KIF5B: variants seen among roughly 807,000 people sequenced by gnomAD.
KIF5B encodes kinesin family member 5B.
In KIF5B, 49 loss-of-function variants were observed where a neutral mutation model predicts 132.8. That is an observed-to-expected ratio of 0.37 (90% CI 0.29 to 0.47). The LOEUF (loss-of-function observed/expected upper bound fraction) is 0.47. Among genes scored for constraint, KIF5B ranks in the 20% least tolerant of loss-of-function variants. The probability of loss-of-function intolerance (pLI) is 1.00; values close to 1 mark genes in which losing one functional copy is unlikely to be tolerated. For synonymous variants in KIF5B, 355 were observed against 369.4 expected (o/e 0.96, Z 0.45); for missense variants, 780 against 1,144.0 (o/e 0.68, Z 4.59).
In KIF5B at chr10:32,031,153, T is replaced by A; in HGVS notation, c.1501A>T (p.Asn501Tyr). Residue 501 changes from asparagine (N) to tyrosine (Y), a missense_variant, in exon 14 of 26, where the codon AAT becomes TAT. By Grantham distance (143) the Asn-to-Tyr change is moderately radical. Transcript: ENST00000302418. ...VLQALEELAVNYDQKSQEVED... is the reference protein window; with the variant it reads ...VLQALEELAVYYDQKSQEVED... The stretch of plus-strand genomic sequence containing the variant: ...ACTTCCTGAGACTTCTGATCATAAT[T>A]GACAGCAAGTTCTTCTAGGGCCTGT... 1 of 1,614,002 alleles carries A rather than the reference T, an allele frequency of 6.2e-7. No individual in the cohort carries two copies. Among genetic ancestry groups the A allele is most frequent in the Non-Finnish European group, 8.5e-7 (1 of 1,179,964 alleles).
rs1312653938 is a variant in KIF5B, at chr10:32,049,977, A to G, written c.127-1426T>C. ...GACCTGAGGTAGTTTAAATGCTTGCAGGAACAATTTTAATAATCTAGGAGA... is the reference window on the plus strand; with the variant it reads ...GACCTGAGGTAGTTTAAATGCTTGCGGGAACAATTTTAATAATCTAGGAGA... On this transcript the variant is annotated intron_variant, in intron 1 of 25. Transcript: ENST00000302418. 3.3e-5 allele frequency among the ~76,000 whole-genome samples: 5 copies of G among 152,236 alleles called. No homozygotes were observed. In the East Asian group the frequency reaches 9.7e-4, roughly 29 times the overall value.
rs1007801697 is a variant in KIF5B, at chr10:32,022,273, T to C, written c.1915-16A>G. The C allele has an allele frequency of 7.6e-7, 1 of 1,318,910 alleles. No homozygotes were observed. Among genetic ancestry groups the C allele is most frequent in the South Asian group, 1.2e-5 (1 of 83,742 alleles). 81.7% of individuals were successfully genotyped at this position (1,318,910 alleles called of 1,614,324 possible). The stretch of plus-strand genomic sequence containing the variant: ...TGGCTTCATGCTTTTGGAAAAAATA[T>C]ACTGATATGAAGTGGAAAACATATG... On this transcript the variant is annotated splice_polypyrimidine_tract_variant and intron_variant, in intron 16 of 25. Transcript: ENST00000302418.
At chr10:32,041,921 C>T (rs1841545435) in intron 2 of KIF5B, among the ~76,000 whole-genome samples, 1 of 152,186 alleles carries the variant, frequency 6.6e-6, no homozygotes, top group South Asian at 2.1e-4. Flanking sequence ...TAAGCCCCTG[C>T]ACCTGACCCT....
chr10:32,009,822 T>C lies in KIF5B; in HGVS notation c.*1715A>G, dbSNP rs1160022570. The C allele has an allele frequency of 2.0e-5, 3 of 152,172 alleles. No individual in the cohort carries two copies. Among genetic ancestry groups the C allele is most frequent in the Non-Finnish European group, 2.9e-5 (2 of 68,006 alleles). 9.4% of individuals were successfully genotyped at this position (152,172 alleles called of 1,614,324 possible). ...TTTTGCTTGTTAACTATATTACTTA[T>C]AACTGGCTGCACCAACATTTCATCT... is the stretch of plus-strand genomic sequence containing the variant. On this transcript the variant is annotated 3_prime_UTR_variant, in exon 26 of 26. Coordinates refer to ENST00000302418, the MANE Select transcript of KIF5B (RefSeq NM_004521.3).
intron 1 of KIF5B, among the ~76,000 whole-genome samples, chr10:32,054,706 G>A (rs562601476): frequency 6.6e-6 from 1 of 152,294 alleles, no homozygotes; most frequent in African/African-American, 2.4e-5. Flanking sequence ...CTACTACATA[G>A]CATTACCAAC....
At position 32,011,382 on chromosome 10, in the gene KIF5B, G is replaced by T. The variant is rs1841078416; in HGVS notation, c.*155C>A. The T allele has an allele frequency of 6.6e-6, 1 of 152,552 alleles. No homozygotes were observed. The highest frequency in any genetic ancestry group is 2.4e-5 in the African/African-American group (1 of 41,428). The allele number at this position is 152,552 out of a possible 1,614,324, so 9.4% of individuals were successfully genotyped here. A position where few individuals can be genotyped will look rare whatever the true frequency, so the allele number is the denominator to read the frequency against. On this transcript the variant is annotated 3_prime_UTR_variant, in exon 26 of 26. Transcript: ENST00000302418. Reference sequence around the variant, plus strand: ...TTACAAGAAGAGTAGGTAGGAAACAGCTGTACAGGCCAGGTATAATTTATA... The same window carrying T: ...TTACAAGAAGAGTAGGTAGGAAACATCTGTACAGGCCAGGTATAATTTATA...
At chr10:32,049,975 G>T (rs1841668200) in intron 1 of KIF5B, among the ~76,000 whole-genome samples, 1 of 151,942 alleles carries the variant, frequency 6.6e-6, no homozygotes, top group Non-Finnish European at 1.5e-5. Flanking sequence ...TTAAATGCTT[G>T]CAGGAACAAT....
chr10:32,045,528 C>A (rs1175071541), intron 2 of KIF5B, among the ~76,000 whole-genome samples: 1 of 152,092 alleles, frequency 6.6e-6, no homozygotes, highest in African/African-American at 2.4e-5. Context: ...TTTCTAGTTA[C>A]TAAGGAGGAT....
intron 20 of KIF5B, 109 bp from the exon 21 acceptor site, chr10:32,018,671 T>A: frequency 1.2e-6 from 1 of 853,248 alleles, no homozygotes; most frequent in Non-Finnish European, 1.8e-6. Flanking sequence ...TTCTTAAATT[T>A]AAATAAATAC....
Position 32,023,451 on chromosome 10 carries a change from G to C in KIF5B, c.1726-415C>G, listed in dbSNP as rs1841291814. Reference sequence around the variant, plus strand: ...GATGTTTAGGTGGCAGGGAAAGGATGAACTTTAAGCTCAACCAGAAGGAAT... The same window carrying C: ...GATGTTTAGGTGGCAGGGAAAGGATCAACTTTAAGCTCAACCAGAAGGAAT... On this transcript the variant is annotated intron_variant, in intron 15 of 25. Transcript: ENST00000302418. Among the ~76,000 whole-genome samples, 3 of 152,160 alleles carry C rather than the reference G, an allele frequency of 2.0e-5. No homozygotes were observed. The South Asian group carries it at 6.2e-4, about 32-fold the overall frequency.
At chr10:32,040,626 A>AACACAC (rs72393080) in intron 2 of KIF5B, among the ~76,000 whole-genome samples, 169 bp from the exon 3 acceptor site, 28 of 142,180 alleles carry the variant, frequency 2.0e-4, no homozygotes, top group African/African-American at 7.0e-4. Context: ...AACACCCTAA[A>AACACAC]ACACACACAC....
chr10:32,044,115 G>A (rs1260945681), intron 2 of KIF5B, among the ~76,000 whole-genome samples: 1 of 152,058 alleles, frequency 6.6e-6, no homozygotes, highest in South Asian at 2.1e-4. Flanking sequence ...TCATATCCTT[G>A]TCCAGGACAA....
chr10:32,028,964 C>A (rs1032614679), intron 14 of KIF5B, among the ~76,000 whole-genome samples: 1 of 152,164 alleles, frequency 6.6e-6, no homozygotes, highest in African/African-American at 2.4e-5. Flanking sequence ...ACACTCTTTT[C>A]TAGATGGTTA....
intron 1 of KIF5B, 66 bp downstream of exon 1, chr10:32,055,782 C>A: frequency 6.3e-7 from 1 of 1,586,660 alleles, no homozygotes; most frequent in Non-Finnish European, 8.6e-7. Context: ...CCTGCCACTT[C>A]CCTAAACTCC....
intron 25 of KIF5B, among the ~76,000 whole-genome samples, chr10:32,012,241 G>A (rs1427522767): frequency 6.6e-6 from 1 of 152,206 alleles, no homozygotes; most frequent in Admixed American, 6.5e-5. Context: ...GGGAGGCTGA[G>A]GGAGGCAGAT....
chr10:32,020,921 A>G, intron 19 of KIF5B, 101 bp downstream of exon 19: 1 of 602,128 alleles, frequency 1.7e-6, no homozygotes, highest in South Asian at 2.8e-5. Flanking sequence ...TCCAAGATAA[A>G]AATGTAATTT....
intron 19 of KIF5B, among the ~76,000 whole-genome samples, chr10:32,020,543 C>T (rs1184517083): frequency 1.3e-5 from 2 of 152,102 alleles, no homozygotes; most frequent in Non-Finnish European, 2.9e-5. Flanking sequence ...GCCACAGCCT[C>T]CTGGGTCACT....
At chr10:32,034,495 C>T (rs1232756485) in intron 11 of KIF5B, among the ~76,000 whole-genome samples, 195 bp downstream of exon 11, 1 of 152,182 alleles carries the variant, frequency 6.6e-6, no homozygotes, top group Non-Finnish European at 1.5e-5. Context: ...ATTAATTCTA[C>T]TACTGATGGT....
At chr10:32,054,074 G>A (rs1841724870) in intron 1 of KIF5B, among the ~76,000 whole-genome samples, 1 of 152,106 alleles carries the variant, frequency 6.6e-6, no homozygotes, top group Non-Finnish European at 1.5e-5. Context: ...AAGAATCATA[G>A]TGATAACTAC....
Sources: gnomAD v4.1 joint callset for allele counts (sites outside exome capture counted in the v4.1 genomes callset) on GRCh38, gnomAD v4.1.1 for gene constraint, MANE v1.5 for transcripts, NCBI Gene and HGNC (gene_info 2026-07-23, HGNC 2026-07-21) for gene names.